The following ASXL2 variants were observed in gnomAD, a reference collection of about 807,000 sequenced individuals.
The protein encoded by ASXL2 is ASXL transcriptional regulator 2.
In ASXL2, 23 loss-of-function variants were observed where a neutral mutation model predicts 122.0. The ratio of observed to expected loss-of-function variants is 0.19; its 90% CI spans 0.14 to 0.27. The LOEUF (loss-of-function observed/expected upper bound fraction) is 0.27, where lower values mean the gene tolerates loss of function less well. Ranked by LOEUF, ASXL2 falls within the 10% of genes least tolerant of loss-of-function variation. The pLI is 1.00. For synonymous variants in ASXL2, 650 were observed against 637.0 expected (o/e 1.02, Z -0.31); for missense variants, 1,518 against 1,713.8 (o/e 0.89, Z 2.02).
At chr2:25,788,426 T>C (rs1053094846) in intron 5 of ASXL2, among the ~76,000 whole-genome samples, 1 of 152,218 alleles carries the variant, frequency 6.6e-6, no homozygotes, top group Non-Finnish European at 1.5e-5. Context: ...CAATTAATTC[T>C]ACTTTTTAAA....
intron 2 of ASXL2, among the ~76,000 whole-genome samples, chr2:25,844,454 G>A (rs1420258335): frequency 1.3e-5 from 2 of 151,936 alleles, no homozygotes; most frequent in Admixed American, 1.3e-4. Context: ...GTGCGTGTCT[G>A]TAATCCCAGC....
chr2:25,828,824 CAAAAAAA>C (rs1031358836), intron 3 of ASXL2, among the ~76,000 whole-genome samples: 1 of 50,140 alleles, frequency 2.0e-5, no homozygotes, highest in Non-Finnish European at 3.5e-5. Context: ...GACTGTGTCT[CAAAAAAA>C]AAAAAAAAAA....
chr2:25,821,237 G>A (rs2089306462), intron 3 of ASXL2, among the ~76,000 whole-genome samples: 1 of 151,908 alleles, frequency 6.6e-6, no homozygotes, highest in Admixed American at 6.6e-5. Flanking sequence ...TGTTCCCATA[G>A]TCCCAACTAC....
intron 4 of ASXL2, among the ~76,000 whole-genome samples, chr2:25,803,107 G>C (rs1211352594): frequency 6.6e-6 from 1 of 151,782 alleles, no homozygotes; most frequent in Non-Finnish European, 1.5e-5. Flanking sequence ...AATCCAGCCT[G>C]GGCGACAGAG....
At chr2:25,780,463 A>T (rs1394289191) in intron 5 of ASXL2, among the ~76,000 whole-genome samples, 1 of 152,132 alleles carries the variant, frequency 6.6e-6, no homozygotes, top group Non-Finnish European at 1.5e-5. Flanking sequence ...ACTACATCTT[A>T]ACCAGTGGTT....
chr2:25,839,685 C>A (rs1313511471), intron 2 of ASXL2, among the ~76,000 whole-genome samples: 1 of 145,210 alleles, frequency 6.9e-6, no homozygotes. Context: ...TGCAGTGGCA[C>A]GATCACGGCT....
intron 4 of ASXL2, among the ~76,000 whole-genome samples, chr2:25,805,592 T>C (rs987369143): frequency 7.9e-5 from 12 of 152,074 alleles, no homozygotes; most frequent in Admixed American, 3.9e-4. Flanking sequence ...CTAAGCAGAA[T>C]GCTCCAAAGA....
intron 8 of ASXL2, among the ~76,000 whole-genome samples, chr2:25,767,286 T>C (rs145729549): frequency 1.3e-3 from 205 of 152,256 alleles, no homozygotes; most frequent in African/African-American, 4.8e-3. Flanking sequence ...TGACTGATAA[T>C]AGATCTTTCT....
chr2:25,831,181 C>G (rs1485848436), intron 3 of ASXL2, among the ~76,000 whole-genome samples: 1 of 151,842 alleles, frequency 6.6e-6, no homozygotes, highest in African/African-American at 2.4e-5. Flanking sequence ...TGGTGGCACA[C>G]ACCTGTAATC....
intron 5 of ASXL2, among the ~76,000 whole-genome samples, chr2:25,772,050 G>A (rs1195674283): frequency 6.6e-6 from 1 of 152,150 alleles, no homozygotes; most frequent in African/African-American, 2.4e-5. Context: ...ATTTTAAGAT[G>A]TCTCTAATGG....
Position 25,767,492 on chromosome 2 carries a change from A to G in ASXL2, c.775+91T>C, listed in dbSNP as rs878921655. ...TTGCTATGTAACTCAAATCTAAGTT[A>G]TAAGTACCTAAGCCAGGTAGCTGAT... On this transcript the variant is annotated intron_variant, in intron 8 of 12. Coordinates refer to ENST00000435504, the MANE Select transcript of ASXL2 (RefSeq NM_018263.6). 2.0e-5 allele frequency: 28 copies of G among 1,384,782 alleles called. No individual in the cohort carries two copies. The South Asian group carries it at 3.5e-4, about 17-fold the overall frequency. The allele number at this position is 1,384,782 out of a possible 1,614,324, so 85.8% of individuals were successfully genotyped here. A position where few individuals can be genotyped will look rare whatever the true frequency, so the allele number is the denominator to read the frequency against.
At chr2:25,773,721 TA>T (rs2088500332) in intron 5 of ASXL2, among the ~76,000 whole-genome samples, 1 of 151,266 alleles carries the variant, frequency 6.6e-6, no homozygotes, top group African/African-American at 2.4e-5. Context: ...GACCAATTTT[TA>T]AAAAATAGCT....
intron 1 of ASXL2, among the ~76,000 whole-genome samples, chr2:25,866,364 C>T (rs1198742480): frequency 2.0e-5 from 3 of 152,060 alleles, no homozygotes; most frequent in Admixed American, 6.6e-5. Context: ...CTCTTGACCT[C>T]GTGAGTCGCC....
At chr2:25,771,373 A>G in intron 6 of ASXL2, 67 bp downstream of exon 6, 2 of 1,399,984 alleles carry the variant, frequency 1.4e-6, no homozygotes, top group Non-Finnish European at 1.9e-6. Context: ...ATATCCGATG[A>G]CTGCCAGAGG....
chr2:25,848,972 G>C (rs1376852752), intron 1 of ASXL2, among the ~76,000 whole-genome samples: 5 of 146,966 alleles, frequency 3.4e-5, no homozygotes, highest in Admixed American at 7.0e-5. Context: ...CTTGGACCAG[G>C]AGGCGGAGGT....
intron 5 of ASXL2, among the ~76,000 whole-genome samples, chr2:25,791,788 T>C (rs2088838345): frequency 1.3e-5 from 2 of 152,208 alleles, no homozygotes; most frequent in Admixed American, 1.3e-4. Context: ...TTAGTATCCC[T>C]TCTCTAATGC....
At chr2:25,772,291 A>T (rs1245305939) in intron 5 of ASXL2, among the ~76,000 whole-genome samples, 2 of 152,230 alleles carry the variant, frequency 1.3e-5, no homozygotes, top group African/African-American at 4.8e-5. Flanking sequence ...CCTTATTAAA[A>T]AAAAATTATA....
In ASXL2 at chr2:25,874,745, G is replaced by T. The variant is rs771863373; in HGVS notation, c.57+3421C>A. ...CTAAACACTACACTATTTGTCTCTC[G>T]CTCAAATCATTCATTACCACCATCA... On this transcript the variant is annotated intron_variant, in intron 1 of 12. Transcript: ENST00000435504. 4.6e-5 allele frequency among the ~76,000 whole-genome samples: 7 copies of T among 152,014 alleles called. 1 individual carries two copies. In the East Asian group the frequency reaches 5.8e-4, roughly 13 times the overall value.
intron 1 of ASXL2, among the ~76,000 whole-genome samples, chr2:25,865,113 G>A (rs893125600): frequency 3.3e-5 from 5 of 150,512 alleles, no homozygotes; most frequent in South Asian, 2.1e-4. Context: ...GTGAGCCACC[G>A]CACCAGGCTA....
Sources: gnomAD v4.1 joint callset for allele counts (sites outside exome capture counted in the v4.1 genomes callset) on GRCh38, gnomAD v4.1.1 for gene constraint, MANE v1.5 for transcripts, NCBI Gene and HGNC (gene_info 2026-07-23, HGNC 2026-07-21) for gene names.